Variants in AGFG2 observed in about 807,000 individuals in gnomAD.
AGFG2 encodes ArfGAP with FG repeats 2, also known as arf-GAP domain and FG repeat-containing protein 2.
In AGFG2, 31 loss-of-function variants were observed where a neutral mutation model predicts 48.0. The ratio of observed to expected loss-of-function variants is 0.65; its 90% CI spans 0.49 to 0.87. AGFG2 has a LOEUF of 0.87. Ranked by LOEUF, AGFG2 falls within the 40% of genes least tolerant of loss-of-function variation. AGFG2 has a pLI of 0.00. For synonymous variants in AGFG2, 229 were observed against 260.8 expected, an observed-to-expected ratio of 0.88 and a Z score of 1.18; for missense variants, 599 against 632.6, an observed-to-expected ratio of 0.95 and a Z score of 0.57.
chr7:100,540,149 G>C (rs979830028), intron 1 of AGFG2, among the ~76,000 whole-genome samples: 1 of 150,688 alleles, frequency 6.6e-6, no homozygotes, highest in African/African-American at 2.4e-5. Flanking sequence ...AATTAACCCC[G>C]ATTGACAGCC....
In AGFG2 at chr7:100,539,275, C is replaced by A. The variant is rs1396812817; in HGVS notation, c.-72C>A. 8.0e-7 allele frequency: 1 copy of A among 1,257,544 alleles called. No individual in the cohort carries two copies. Among genetic ancestry groups the A allele is most frequent in the Non-Finnish European group, 1.0e-6 (1 of 995,002 alleles). The allele number at this position is 1,257,544 out of a possible 1,614,324, so 77.9% of individuals were successfully genotyped here. ...GTCAGGGGAGCCGGGCGTGCGGAGG[C>A]GGCTGAGGAGGCGGGAAGGCGGCAG... On this transcript the variant is annotated 5_prime_UTR_variant, in exon 1 of 12. Coordinates refer to ENST00000300176, the MANE Select transcript of AGFG2 (RefSeq NM_006076.5).
intron 1 of AGFG2, among the ~76,000 whole-genome samples, chr7:100,543,039 T>C (rs888920360): frequency 6.6e-6 from 1 of 152,144 alleles, no homozygotes; most frequent in Non-Finnish European, 1.5e-5. Flanking sequence ...CAAACTGAGG[T>C]ATGATGCAAA....
chr7:100,551,215 G>A (rs1164159130), intron 3 of AGFG2, among the ~76,000 whole-genome samples: 4 of 149,558 alleles, frequency 2.7e-5, no homozygotes, highest in Non-Finnish European at 4.4e-5. Context: ...GACTACAGGC[G>A]CCCGCCACCA....
rs759125630 is a variant in AGFG2, at chr7:100,563,986, C to G, written c.1300+24C>G. The G allele has an allele frequency of 1.9e-6, 3 of 1,602,348 alleles. No individual in the cohort carries two copies. In the African/African-American group the frequency reaches 4.0e-5, roughly 21 times the overall value. ...TGGTAAGAGCTGTAGATGGACAAAC[C>G]CTTTCACCCCATCCCATCTCTGCAT... On this transcript the variant is annotated intron_variant, in intron 10 of 11. Transcript: ENST00000300176.
chr7:100,549,942 T>C (rs1440277138), intron 2 of AGFG2, among the ~76,000 whole-genome samples: 1 of 152,168 alleles, frequency 6.6e-6, no homozygotes, highest in African/African-American at 2.4e-5. Flanking sequence ...TCCACCCACC[T>C]CGGCCTTTCA....
In AGFG2 at chr7:100,550,483, C is replaced by A. The variant is rs375257050; in HGVS notation, c.403C>A (p.Leu135Ile). Residue 135 changes from leucine to isoleucine, a missense_variant, in exon 3 of 12, where the codon CTC becomes ATC. Transcript: ENST00000300176. ...SRDPQKVKEFLQEKYEKKRWY... is the reference protein window; with the variant it reads ...SRDPQKVKEFIQEKYEKKRWY... ...GGATCCTCAGAAAGTGAAGGAGTTT[C>A]TCCAGGAAAAATATGAGAAGAAGAG... The A allele has an allele frequency of 6.2e-7, 1 of 1,613,724 alleles. No individual in the cohort carries two copies.
chr7:100,554,195 G>A lies in AGFG2; in HGVS notation c.688G>A (p.Gly230Ser), dbSNP rs780760584. The change falls in exon 5 of 12, where the codon GGT (glycine) becomes AGT (serine). Residue 230 changes from glycine to serine, a missense_variant. Gly to Ser is a moderately conservative substitution (Grantham distance 56). Transcript: ENST00000300176. ...KASTDLLADI[G>S]GDPFAAPQMA... ...CAGTACTGACCTGCTGGCTGACATCGGTGGAGACCCCTTTGCTGCACCCCA... is the reference window on the plus strand; with the variant it reads ...CAGTACTGACCTGCTGGCTGACATCAGTGGAGACCCCTTTGCTGCACCCCA... 18 of 1,614,076 alleles carry A rather than the reference G, an allele frequency of 1.1e-5. No individual in the cohort carries two copies. The highest frequency in any genetic ancestry group is 1.1e-4 in the East Asian group (5 of 44,906).
chr7:100,562,529 GGCCCCTT>G lies in AGFG2; in HGVS notation c.999-62_999-56del. On this transcript the variant is annotated intron_variant, in intron 7 of 11. Coordinates refer to ENST00000300176, the MANE Select transcript of AGFG2 (RefSeq NM_006076.5). This position sits in a 1 kb window ranked among gnomAD's most constrained non-coding sequence, Gnocchi z 5.4. ...CTGGAGAGCAGGGTTGGCATCTCCT[GGCCCCTT>G]GCTCAGGTTTGATTGGCCCTGGCAG... The G allele has an allele frequency of 6.2e-7, 1 of 1,610,700 alleles. No homozygotes were observed. Among genetic ancestry groups the G allele is most frequent in the Non-Finnish European group, 8.5e-7 (1 of 1,178,184 alleles).
chr7:100,562,833 T>C lies in AGFG2; in HGVS notation c.1088-30T>C. ...AGAAAAAAAGTAACCATCTCTCTCT[T>C]TCCTGCCGCTCCCCATTCCACCTGG... is the stretch of plus-strand genomic sequence containing the variant. On this transcript the variant is annotated intron_variant, in intron 8 of 11. Transcript: ENST00000300176. This position sits in a 1 kb window ranked among gnomAD's most constrained non-coding sequence, Gnocchi z 5.4. 6.2e-7 allele frequency: 1 copy of C among 1,612,058 alleles called. No homozygotes were observed. Among genetic ancestry groups the C allele is most frequent in the African/African-American group, 1.3e-5 (1 of 74,974 alleles).
At chr7:100,551,064 A>ATATATC (rs1800630482) in intron 3 of AGFG2, among the ~76,000 whole-genome samples, 1 of 78,342 alleles carries the variant, frequency 1.3e-5, no homozygotes, top group Non-Finnish European at 2.6e-5. Flanking sequence ...ATATATATAT[A>ATATATC]TATTTCTTTT....
chr7:100,554,210 G>A lies in AGFG2; in HGVS notation c.703G>A (p.Ala235Thr). 1 of 1,614,150 alleles carries A rather than the reference G, an allele frequency of 6.2e-7. No homozygotes were observed. Among genetic ancestry groups the A allele is most frequent in the Middle Eastern group, 1.6e-4 (1 of 6,062 alleles). The change falls in exon 5 of 12, where the codon GCT (alanine) becomes ACT (threonine). Residue 235 changes from alanine (A) to threonine (T), a missense_variant. Physicochemically the swap from Ala to Thr is moderately conservative, Grantham distance 58. Coordinates refer to ENST00000300176, the MANE Select transcript of AGFG2 (RefSeq NM_006076.5). ...GGCTGACATCGGTGGAGACCCCTTT[G>A]CTGCACCCCAGATGGCACCAGCTTT... ...LLADIGGDPF[A>T]APQMAPAFAA...
chr7:100,554,256 G>C lies in AGFG2; in HGVS notation c.749G>C (p.Gly250Ala), dbSNP rs577955527. Residue 250 changes from glycine to alanine, a missense_variant and splice_region_variant, in exon 5 of 12, where the codon GGG becomes GCG. Physicochemically the swap from Gly to Ala is moderately conservative, Grantham distance 60 (BLOSUM62 0). Transcript: ENST00000300176. ...APAFAAFPAF[G>A]GQTPSQGGFA... is the part of the protein sequence containing the mutation. ...GCTTTTGCTGCATTCCCTGCCTTTG[G>C]GGGTAAGTGGGTTTTGGGATGGGAC... 5 of 1,611,298 alleles carry C rather than the reference G, an allele frequency of 3.1e-6. No homozygotes were observed. In the South Asian group the frequency reaches 3.3e-5, roughly 11 times the overall value.
intron 3 of AGFG2, 123 bp from the exon 4 acceptor site, chr7:100,553,224 A>G: frequency 2.4e-6 from 3 of 1,258,930 alleles, no homozygotes. Context: ...TTCCCTTCAA[A>G]AAAGGGAATC....
rs1800905845 is a variant in AGFG2, at chr7:100,562,746, G to A, written c.1087+64G>A. 2 of 1,590,704 alleles carry A rather than the reference G, an allele frequency of 1.3e-6. No homozygotes were observed. Among genetic ancestry groups the A allele is most frequent in the Non-Finnish European group, 1.7e-6 (2 of 1,167,484 alleles). ...AGGCCAGGAGGAGTCTAAGGACTCT[G>A]GACAGGGTGGGAAGGGGAGAGATTG... On this transcript the variant is annotated intron_variant, in intron 8 of 11. Coordinates refer to ENST00000300176, the MANE Select transcript of AGFG2 (RefSeq NM_006076.5). This position sits in a 1 kb window ranked among gnomAD's most constrained non-coding sequence, Gnocchi z 5.4.
chr7:100,551,885 CAAAAAAAAAAAAAAA>C (rs59484677), intron 3 of AGFG2, among the ~76,000 whole-genome samples: 1 of 16,854 alleles, frequency 5.9e-5, no homozygotes, highest in Non-Finnish European at 1.1e-4. Context: ...GAGACTGTCT[CAAAAAAAAAAAAAAA>C]AAAAAAAAAA....
At chr7:100,540,643 TAA>T (rs1044301890) in intron 1 of AGFG2, among the ~76,000 whole-genome samples, 4 of 152,232 alleles carry the variant, frequency 2.6e-5, no homozygotes, top group African/African-American at 9.6e-5. Context: ...TGTTTTTTAA[TAA>T]GTTTGTCAAG....
rs554685947 is a variant in AGFG2, at chr7:100,566,661, C to T, written c.*1670C>T. ...ATTTGCAAGGCTGGGATTGGCCTCC[C>T]TGTCTTTTCCAACAATCAGGACCCC... On this transcript the variant is annotated 3_prime_UTR_variant, in exon 12 of 12. Coordinates refer to ENST00000300176, the MANE Select transcript of AGFG2 (RefSeq NM_006076.5). 2 of 152,286 alleles carry T rather than the reference C, an allele frequency of 1.3e-5. No individual in the cohort carries two copies. Among genetic ancestry groups the T allele is most frequent in the African/African-American group, 2.4e-5 (1 of 41,446 alleles). The allele number at this position is 152,286 out of a possible 1,614,324, so 9.4% of individuals were successfully genotyped here.
intron 6 of AGFG2, among the ~76,000 whole-genome samples, chr7:100,559,559 GT>G (rs1800822224): frequency 6.6e-6 from 1 of 152,166 alleles, no homozygotes; most frequent in South Asian, 2.1e-4. Flanking sequence ...GCTCATGCCT[GT>G]AATCCCATCA....
chr7:100,550,793 C>T (rs1394080591), intron 3 of AGFG2, among the ~76,000 whole-genome samples: 1 of 150,848 alleles, frequency 6.6e-6, no homozygotes, highest in African/African-American at 2.4e-5. Flanking sequence ...CTCAGCTGAT[C>T]TTATGTATGG....
Sources: allele counts gnomAD v4.1 joint callset (sites outside exome capture counted in the v4.1 genomes callset), GRCh38; gene constraint gnomAD v4.1.1; non-coding constraint Gnocchi (gnomAD v3.1); transcripts MANE v1.5; gene names NCBI Gene and HGNC (gene_info 2026-07-23, HGNC 2026-07-21).